Variants in ACBD6 observed in about 807,000 individuals in gnomAD.
ACBD6 encodes the protein acyl-CoA-binding domain-containing protein 6.
ACBD6 carries 28 observed loss-of-function variants against 37.2 expected under a neutral mutation model. The ratio of observed to expected loss-of-function variants is 0.75; its 90% confidence interval spans 0.56 to 1.03. The LOEUF (loss-of-function observed/expected upper bound fraction) is 1.03. Among genes scored for constraint, ACBD6 ranks in the 50% least tolerant of loss-of-function variants. The pLI, the probability that ACBD6 is intolerant of heterozygous loss-of-function variation, is 0.00. For synonymous variants in ACBD6, 113 were observed against 126.8 expected, an observed-to-expected ratio of 0.89 and a Z score of 0.73; for missense variants, 340 against 337.4, an observed-to-expected ratio of 1.01 and a Z score of -0.06.
intron 3 of ACBD6, among the ~76,000 whole-genome samples, chr1:180,452,922 A>G (rs922867343): frequency 2.6e-5 from 4 of 152,244 alleles, no homozygotes; most frequent in African/African-American, 9.6e-5. Flanking sequence ...GCAGTAATTA[A>G]TAGCCTACCA....
intron 6 of ACBD6, among the ~76,000 whole-genome samples, chr1:180,358,646 T>A (rs1652725566): frequency 6.6e-6 from 1 of 152,150 alleles, no homozygotes. Context: ...TTTGTCTGAT[T>A]ATGGAAACCA....
intron 3 of ACBD6, among the ~76,000 whole-genome samples, chr1:180,474,843 T>C (rs1557885967): frequency 6.6e-6 from 1 of 152,236 alleles, no homozygotes. Flanking sequence ...ATCAACAGAC[T>C]TTCAGGATCT....
At chr1:180,397,420 G>T in intron 6 of ACBD6, 96 bp downstream of exon 6, 2 of 1,070,172 alleles carry the variant, frequency 1.9e-6, no homozygotes, top group Non-Finnish European at 2.9e-6. Context: ...AAACGCCACT[G>T]AATTGCACAT....
intron 3 of ACBD6, among the ~76,000 whole-genome samples, chr1:180,481,184 A>G (rs1053082080): frequency 6.6e-6 from 1 of 152,138 alleles, no homozygotes; most frequent in Non-Finnish European, 1.5e-5. Flanking sequence ...TCTCTATATA[A>G]ATCAAAACCG....
chr1:180,439,603 A>G (rs1319969343), intron 3 of ACBD6, among the ~76,000 whole-genome samples: 1 of 152,090 alleles, frequency 6.6e-6, no homozygotes, highest in Non-Finnish European at 1.5e-5. Context: ...AAAAAAAAAA[A>G]TACTGGGGAG....
rs186227891 is a variant in ACBD6 at position 180,359,374 on chromosome 1, G to A, written c.663+38142C>T. Among the ~76,000 whole-genome samples the A allele has an allele frequency of 2.6e-3, 397 of 151,804 alleles. 4 individuals are homozygous for A. The highest frequency in any genetic ancestry group is 9.2e-3 in the African/African-American group (379 of 41,394). ...GGATTTTTTTTGGCCCCCCTCTATC[G>A]CTATTATACAGTATTTCCAGGACTT... On this transcript the variant is annotated intron_variant, in intron 6 of 7. Coordinates refer to ENST00000367595, the MANE Select transcript of ACBD6 (RefSeq NM_032360.4).
At chr1:180,393,566 G>T (rs1473172439) in intron 6 of ACBD6, among the ~76,000 whole-genome samples, 1 of 152,152 alleles carries the variant, frequency 6.6e-6, no homozygotes, top group Non-Finnish European at 1.5e-5. Context: ...GAAATATAGA[G>T]TCATGAGGAG....
intron 5 of ACBD6, among the ~76,000 whole-genome samples, chr1:180,411,585 T>C (rs1647857732): frequency 1.3e-5 from 2 of 152,210 alleles, no homozygotes; most frequent in East Asian, 1.9e-4. Context: ...ATAAAGTATT[T>C]TAAATTAAGG....
chr1:180,476,861 CAAG>C (rs1340552727), intron 3 of ACBD6, among the ~76,000 whole-genome samples: 1 of 151,782 alleles, frequency 6.6e-6, no homozygotes, highest in Non-Finnish European at 1.5e-5. Flanking sequence ...ACAAAAAAAA[CAAG>C]AAAACTCAAA....
At chr1:180,453,167 A>G (rs1649780530) in intron 3 of ACBD6, among the ~76,000 whole-genome samples, 1 of 152,346 alleles carries the variant, frequency 6.6e-6, no homozygotes, top group African/African-American at 2.4e-5. Flanking sequence ...AAAATCTTCA[A>G]TAAAATACTA....
At chr1:180,361,596 A>G (rs1455538524) in intron 6 of ACBD6, among the ~76,000 whole-genome samples, 1 of 147,804 alleles carries the variant, frequency 6.8e-6, no homozygotes, top group Non-Finnish European at 1.5e-5. Context: ...AAGAAAGCCA[A>G]CCCTCAAAGG....
In ACBD6 at chr1:180,270,226, C is replaced by G. The variant is rs540965489; in HGVS notation, c.*2999G>C. 3.3e-5 allele frequency: 5 copies of G among 152,346 alleles called. No homozygotes were observed. In the South Asian group the frequency reaches 1.0e-3, roughly 32 times the overall value. 9.4% of individuals were successfully genotyped at this position (152,346 alleles called of 1,614,324 possible). On this transcript the variant is annotated 3_prime_UTR_variant, in exon 14 of 14. Transcript: ENST00000642319. ...ATATAAAGTCCTTAGTCAACACCAG[C>G]ACATGGTAGGTGCTAACACATGTTG...
intron 3 of ACBD6, among the ~76,000 whole-genome samples, chr1:180,468,450 A>G (rs761606318): frequency 5.3e-5 from 8 of 152,230 alleles, no homozygotes; most frequent in Non-Finnish European, 1.0e-4. Context: ...ACTGCTGCCA[A>G]TTTACACTCC....
intron 3 of ACBD6, among the ~76,000 whole-genome samples, chr1:180,451,681 CA>C (rs1315101164): frequency 6.6e-6 from 1 of 152,070 alleles, no homozygotes; most frequent in African/African-American, 2.4e-5. Flanking sequence ...TCTATAGAAA[CA>C]AAAACTAGAT....
At chr1:180,468,860 A>G (rs1650451462) in intron 3 of ACBD6, among the ~76,000 whole-genome samples, 1 of 152,222 alleles carries the variant, frequency 6.6e-6, no homozygotes, top group Admixed American at 6.5e-5. Flanking sequence ...CCACAACTAC[A>G]TTTTGTAGGG....
chr1:180,357,755 T>A (rs112809421), intron 6 of ACBD6, among the ~76,000 whole-genome samples: 1 of 152,132 alleles, frequency 6.6e-6, no homozygotes, highest in Non-Finnish European at 1.5e-5. Context: ...TCTCAGTATA[T>A]GAAAGAAGGA....
At chr1:180,455,289 C>T (rs1649872622) in intron 3 of ACBD6, among the ~76,000 whole-genome samples, 1 of 151,810 alleles carries the variant, frequency 6.6e-6, no homozygotes, top group South Asian at 2.1e-4. Flanking sequence ...CCAAACACCA[C>T]ATATTCTCAT....
chr1:180,287,415 A>G (rs1649539575), downstream of ACBD6: 3 of 151,006 alleles, frequency 2.0e-5, no homozygotes, highest in South Asian at 6.3e-4. Flanking sequence ...GTCTCAAAAA[A>G]AAAAAAAAAA....
intron 4 of ACBD6, among the ~76,000 whole-genome samples, chr1:180,424,166 TACTA>T (rs1359891786): frequency 2.0e-5 from 3 of 152,166 alleles, no homozygotes; most frequent in African/African-American, 2.4e-5. Flanking sequence ...ACAGCAGCGT[TACTA>T]ACTATGTGAC....
Sources: allele counts gnomAD v4.1 joint callset (sites outside exome capture counted in the v4.1 genomes callset), GRCh38; gene constraint gnomAD v4.1.1; transcripts MANE v1.5; gene names NCBI Gene and HGNC (gene_info 2026-07-23, HGNC 2026-07-21).